FKRP: variants seen among roughly 807,000 people sequenced by gnomAD.
FKRP encodes the protein ribitol 5-phosphate transferase FKRP.
A neutral mutation model predicts 30.6 loss-of-function variants in FKRP; 25 were observed. The observed-to-expected ratio is 0.82, with a 90% CI of 0.60 to 1.14. FKRP has a LOEUF of 1.14. Ranked by LOEUF, FKRP falls within the 50% of genes most tolerant of loss-of-function variation. The pLI is 0.00. For synonymous variants in FKRP, 358 were observed against 342.5 expected, an observed-to-expected ratio of 1.05 and a Z score of -0.50; for missense variants, 771 against 727.8, an observed-to-expected ratio of 1.06 and a Z score of -0.68.
In FKRP at chr19:46,757,131, C is replaced by A; in HGVS notation, c.*193C>A. The A allele has an allele frequency of 1.4e-6, 1 of 738,818 alleles. No individual in the cohort carries two copies. The allele number at this position is 738,818 out of a possible 1,614,324, so 45.8% of individuals were successfully genotyped here. A position where few individuals can be genotyped will look rare whatever the true frequency, so the allele number is the denominator to read the frequency against. ...GCACCAGGACGAGGATGGGAAGCGACCTCCAGATTTATCAAATGGTCATGC... is the reference window on the plus strand; with the variant it reads ...GCACCAGGACGAGGATGGGAAGCGAACTCCAGATTTATCAAATGGTCATGC... On this transcript the variant is annotated 3_prime_UTR_variant, in exon 4 of 4. Coordinates refer to ENST00000318584, the MANE Select transcript of FKRP (RefSeq NM_024301.5).
chr19:46,750,729 A>G (rs534760557), intron 3 of FKRP, among the ~76,000 whole-genome samples: 9 of 151,918 alleles, frequency 5.9e-5, no homozygotes, highest in African/African-American at 2.2e-4. Context: ...GGGTTTTGCT[A>G]TATTGCCCAG....
chr19:46,756,892 C>T lies in FKRP; in HGVS notation c.1442C>T (p.Pro481Leu), dbSNP rs727502844. The T allele has an allele frequency of 5.0e-6, 8 of 1,612,934 alleles. No homozygotes were observed. The highest frequency in any genetic ancestry group is 1.7e-5 in the Admixed American group (1 of 59,968). ...TTCGGGCCCGGGGTCATCGAGAACCCCCAGTACCCCAACCCGGCACTGCTG... is the reference window on the plus strand; with the variant it reads ...TTCGGGCCCGGGGTCATCGAGAACCTCCAGTACCCCAACCCGGCACTGCTG... ...LKFGPGVIEN[P>L]QYPNPALLSL... Residue 481 changes from proline to leucine, a missense_variant, in exon 4 of 4, where the codon CCC (proline) becomes CTC (leucine). Physicochemically the swap from Pro to Leu is moderately conservative, Grantham distance 98 (BLOSUM62 -3). Transcript: ENST00000318584. This position sits in a 1 kb window ranked among gnomAD's most constrained non-coding sequence, Gnocchi z 6.6.
At position 46,757,101 on chromosome 19, in the gene FKRP, G is replaced by A; in HGVS notation, c.*163G>A. On this transcript the variant is annotated 3_prime_UTR_variant, in exon 4 of 4. Transcript: ENST00000318584. Reference sequence around the variant, plus strand: ...TGAGAGAAGGCTGGCATTGGCAGGAGGAGAGCACCAGGACGAGGATGGGAA... The same window carrying A: ...TGAGAGAAGGCTGGCATTGGCAGGAAGAGAGCACCAGGACGAGGATGGGAA... 1 of 959,284 alleles carries A rather than the reference G, an allele frequency of 1.0e-6. No homozygotes were observed. The highest frequency in any genetic ancestry group is 1.6e-6 in the Non-Finnish European group (1 of 623,052). 59.4% of individuals were successfully genotyped at this position (959,284 alleles called of 1,614,324 possible). A position where few individuals can be genotyped will look rare whatever the true frequency, so the allele number is the denominator to read the frequency against.
At chr19:46,749,460 C>G (rs1261607590) in intron 3 of FKRP, among the ~76,000 whole-genome samples, 1 of 138,696 alleles carries the variant, frequency 7.2e-6, no homozygotes, top group African/African-American at 2.7e-5. Flanking sequence ...GGCGCGGTGG[C>G]TCACGCCTGT....
In FKRP at chr19:46,756,174, G is replaced by A; in HGVS notation, c.724G>A (p.Ala242Thr). ...GCAGCTGCTGGACTTGACCTTCGCCGCGGCGCGCCAGCCCCCGCTGGCCAC... is the reference window on the plus strand; with the variant it reads ...GCAGCTGCTGGACTTGACCTTCGCCACGGCGCGCCAGCCCCCGCTGGCCAC... ...AVQLLDLTFA[A>T]ARQPPLATAH... Residue 242 changes from alanine (A) to threonine (T), a missense_variant, in exon 4 of 4, where the codon GCG becomes ACG. Coordinates refer to ENST00000318584, the MANE Select transcript of FKRP (RefSeq NM_024301.5). The surrounding 1 kb of genome is among the most constrained non-coding windows in gnomAD (Gnocchi z 6.6). 2 of 1,445,758 alleles carry A rather than the reference G, an allele frequency of 1.4e-6. No homozygotes were observed. The highest frequency in any genetic ancestry group is 1.5e-5 in the African/African-American group (1 of 66,652). 89.6% of individuals were successfully genotyped at this position (1,445,758 alleles called of 1,614,324 possible). A position where few individuals can be genotyped will look rare whatever the true frequency, so the allele number is the denominator to read the frequency against.
At chr19:46,751,123 C>T (rs1372364701) in intron 3 of FKRP, among the ~76,000 whole-genome samples, 1 of 151,036 alleles carries the variant, frequency 6.6e-6, no homozygotes, top group Admixed American at 6.6e-5. Flanking sequence ...AGTGCAGTGG[C>T]GCCATCACAG....
chr19:46,745,188 C>A (rs1318830708), upstream of FKRP, among the ~76,000 whole-genome samples: 1 of 152,070 alleles, frequency 6.6e-6, no homozygotes, highest in Non-Finnish European at 1.5e-5. Flanking sequence ...ATGCCCAACA[C>A]CCCACACTCC....
chr19:46,757,188 T>C lies in FKRP; in HGVS notation c.*250T>C. Reference sequence around the variant, plus strand: ...GGAGCCGTGGATATGCGTGGGGACATCCTGGGTCATCTCAGTCATGGAGGG... The same window carrying C: ...GGAGCCGTGGATATGCGTGGGGACACCCTGGGTCATCTCAGTCATGGAGGG... On this transcript the variant is annotated 3_prime_UTR_variant, in exon 4 of 4. Transcript: ENST00000318584. 1.7e-6 allele frequency: 1 copy of C among 600,174 alleles called. No individual in the cohort carries two copies. The highest frequency in any genetic ancestry group is 2.9e-5 in the East Asian group (1 of 34,212). The allele number at this position is 600,174 out of a possible 1,614,324, so 37.2% of individuals were successfully genotyped here. A position where few individuals can be genotyped will look rare whatever the true frequency, so the allele number is the denominator to read the frequency against.
At chr19:46,746,157 C>T (rs566882151) in intron 1 of FKRP, 67 bp downstream of exon 1, 3 of 1,524,564 alleles carry the variant, frequency 2.0e-6, no homozygotes, top group Non-Finnish European at 2.6e-6. Flanking sequence ...ACCTGTAACT[C>T]GGCGCGCTCG....
At chr19:46,747,742 G>C (rs1415087314) in intron 1 of FKRP, 1 of 152,146 alleles carries the variant, frequency 6.6e-6, no homozygotes, top group Non-Finnish European at 1.5e-5. Flanking sequence ...GGTAGAGTGT[G>C]TCTATGGAAG....
rs779487099 is a variant in FKRP at position 46,756,674 on chromosome 19, C to T, written c.1224C>T (p.Ser408=). Residue 408 remains serine (S), a synonymous_variant, in exon 4 of 4, where the codon AGC becomes AGT. Coordinates refer to ENST00000318584, the MANE Select transcript of FKRP (RefSeq NM_024301.5). This position sits in a 1 kb window ranked among gnomAD's most constrained non-coding sequence, Gnocchi z 6.6. ...GCGACTTTTTCCGCGTGCAGTACAG[C>T]GAAAGCAACCACTTGCACGTGGACC... ...VEGDFFRVQY[S]ESNHLHVDLW... The T allele has an allele frequency of 1.1e-4, 184 of 1,613,380 alleles. No individual in the cohort carries two copies. In the South Asian group the frequency reaches 1.7e-3, roughly 15 times the overall value.
At chr19:46,744,865 C>T (rs145275686), upstream of FKRP, among the ~76,000 whole-genome samples, 11 of 152,120 alleles carry the variant, frequency 7.2e-5, no homozygotes, top group Admixed American at 5.2e-4. Context: ...CCTTCAAATC[C>T]GGACATCTCC....
Position 46,756,523 on chromosome 19 carries a change from C to A in FKRP, c.1073C>A (p.Pro358Gln). 1 of 1,595,274 alleles carries A rather than the reference C, an allele frequency of 6.3e-7. No homozygotes were observed. Among genetic ancestry groups the A allele is most frequent in the Non-Finnish European group, 8.5e-7 (1 of 1,172,888 alleles). Reference protein sequence around the residue: ...LGAARHGDIIPWDYDVDLGIY... With the variant: ...LGAARHGDIIQWDYDVDLGIY... The stretch of plus-strand genomic sequence containing the variant: ...GCCGCCCGCCACGGGGACATCATCC[C>A]ATGGGACTACGACGTGGACCTGGGC... Residue 358 changes from proline (P) to glutamine (Q), a missense_variant, in exon 4 of 4, where the codon CCA (proline) becomes CAA (glutamine). Transcript: ENST00000318584. The surrounding 1 kb of genome is among the most constrained non-coding windows in gnomAD (Gnocchi z 6.6).
In FKRP at chr19:46,750,556, C is replaced by T. The variant is rs537361002; in HGVS notation, c.-40+1891C>T. ...ATCTTTCGTTTTTGAGACTGGGTCT[C>T]GCTCTGTCGCCCAGGCTGGAGTGCA... On this transcript the variant is annotated intron_variant, in intron 3 of 3. Coordinates refer to ENST00000318584, the MANE Select transcript of FKRP (RefSeq NM_024301.5). Among the ~76,000 whole-genome samples the T allele has an allele frequency of 2.1e-3, 323 of 152,194 alleles. 1 individual carries two copies. Among genetic ancestry groups the T allele is most frequent in the Non-Finnish European group, 1.1e-3 (75 of 67,988 alleles).
rs777099929 is a variant in FKRP, at chr19:46,756,326, G to A, written c.876G>A (p.Glu292=). The change falls in exon 4 of 4, where the codon GAG becomes GAA. Residue 292 remains glutamate (E), a synonymous_variant. Coordinates refer to ENST00000318584, the MANE Select transcript of FKRP (RefSeq NM_024301.5). The surrounding 1 kb of genome is among the most constrained non-coding windows in gnomAD (Gnocchi z 6.6). The stretch of plus-strand genomic sequence containing the variant: ...TGGAGTGGTTCGGCTGCAACAAGGA[G>A]ACCACGCGCTGCTTCGGAACCGTGG... ...GRLEWFGCNK[E]TTRCFGTVVG... 1 of 1,556,534 alleles carries A rather than the reference G, an allele frequency of 6.4e-7. No individual in the cohort carries two copies. Among genetic ancestry groups the A allele is most frequent in the Non-Finnish European group, 8.7e-7 (1 of 1,155,180 alleles).
chr19:46,746,446 G>A (rs538487169), intron 1 of FKRP: 8 of 1,004,470 alleles, frequency 8.0e-6, no homozygotes, highest in East Asian at 1.0e-4. Context: ...CCCCGGGGCC[G>A]GCCTGCGCGC....
intron 3 of FKRP, chr19:46,754,099 C>T (rs546721930): frequency 7.9e-5 from 12 of 152,376 alleles, no homozygotes; most frequent in African/African-American, 2.9e-4. Context: ...CACTCTTGTC[C>T]AGGCTGAGTG....
chr19:46,745,312 C>A (rs2054560583), upstream of FKRP, among the ~76,000 whole-genome samples: 3 of 152,150 alleles, frequency 2.0e-5, no homozygotes, highest in Admixed American at 1.3e-4. Context: ...CCCATCCAGG[C>A]TCCTAGGGTA....
rs936866997 is a variant in FKRP, at chr19:46,755,773, T to C, written c.323T>C (p.Leu108Pro). The change falls in exon 4 of 4, where the codon CTG (leucine) becomes CCG (proline). Residue 108 changes from leucine (L) to proline (P), a missense_variant. Leu to Pro is a moderately conservative substitution (Grantham distance 98). Transcript: ENST00000318584. ...NVRLALLQPA[L>P]DRPAAASRPE... is the part of the protein sequence containing the mutation. ...CGTCTGGCGCTGCTCCAGCCCGCCCTGGACCGGCCAGCCGCAGCCTCGCGC... is the reference window on the plus strand; with the variant it reads ...CGTCTGGCGCTGCTCCAGCCCGCCCCGGACCGGCCAGCCGCAGCCTCGCGC... The C allele has an allele frequency of 1.8e-5, 27 of 1,532,774 alleles. No individual in the cohort carries two copies. In the East Asian group the frequency reaches 5.4e-4, roughly 31 times the overall value. 94.9% of individuals were successfully genotyped at this position (1,532,774 alleles called of 1,614,324 possible).
Sources: gnomAD v4.1 joint callset for allele counts (sites outside exome capture counted in the v4.1 genomes callset) on GRCh38, gnomAD v4.1.1 for gene constraint, Gnocchi (gnomAD v3.1) non-coding constraint, MANE v1.5 for transcripts, NCBI Gene and HGNC (gene_info 2026-07-23, HGNC 2026-07-21) for gene names.